CSNK1E: variants seen among roughly 807,000 people sequenced by gnomAD.
CSNK1E encodes casein kinase I isoform epsilon.
Under a neutral mutation model 46.1 loss-of-function variants are expected in CSNK1E, and 17 were observed. The observed-to-expected ratio is 0.37, with a 90% CI of 0.25 to 0.55. The LOEUF (loss-of-function observed/expected upper bound fraction) is 0.55. CSNK1E is among the 20% of genes least tolerant of loss of function. CSNK1E has a pLI of 0.82. For missense variants in CSNK1E, 386 were observed against 595.4 expected (o/e 0.65, Z 3.66); for synonymous variants, 241 against 242.6 (o/e 0.99, Z 0.06).
At chr22:38,301,237 T>G (rs2092670305) in intron 4 of CSNK1E, among the ~76,000 whole-genome samples, 1 of 152,152 alleles carries the variant, frequency 6.6e-6, no homozygotes, top group South Asian at 2.1e-4. Context: ...GAAAGGCAAC[T>G]GGTTCCCCAT....
chr22:38,303,376 T>TG lies in CSNK1E; in HGVS notation c.77-129dup. ...GGGCCATCTGCCCTTGAGGAGCTCTTGGGGGAGGCTGGGAAGGGGGCAAAG... is the reference window on the plus strand; with the variant it reads ...GGGCCATCTGCCCTTGAGGAGCTCTTGGGGGGAGGCTGGGAAGGGGGCAAAG... On this transcript the variant is annotated intron_variant, in intron 2 of 10. Coordinates refer to ENST00000396832, the MANE Select transcript of CSNK1E (RefSeq NM_152221.3). The surrounding 1 kb of genome is among the most constrained non-coding windows in gnomAD (Gnocchi z 4.7). 1.3e-6 allele frequency: 1 copy of TG among 750,118 alleles called. No individual in the cohort carries two copies. The highest frequency in any genetic ancestry group is 2.1e-6 in the Non-Finnish European group (1 of 472,842). 46.5% of individuals were successfully genotyped at this position (750,118 alleles called of 1,614,324 possible). A position where few individuals can be genotyped will look rare whatever the true frequency, so the allele number is the denominator to read the frequency against.
At chr22:38,297,093 A>G (rs1210389801) in intron 7 of CSNK1E, 1 of 775,552 alleles carries the variant, frequency 1.3e-6, no homozygotes, top group East Asian at 2.4e-5. Flanking sequence ...AGTCTTGATT[A>G]ATTTTAATTC....
intron 10 of CSNK1E, chr22:38,292,921 G>C: frequency 5.6e-6 from 2 of 356,928 alleles, no homozygotes; most frequent in Non-Finnish European, 1.1e-5. Flanking sequence ...GGAGAGGTCA[G>C]AGTGTGAGCC....
chr22:38,305,895 G>A (rs572822877), intron 2 of CSNK1E, among the ~76,000 whole-genome samples: 3 of 152,274 alleles, frequency 2.0e-5, no homozygotes, highest in South Asian at 2.1e-4. Context: ...CAGCAACCCC[G>A]CTTCTGGGAG....
Position 38,298,118 on chromosome 22 carries a change from C to G in CSNK1E, c.885+668G>C, listed in dbSNP as rs1179309804. On this transcript the variant is annotated intron_variant, in intron 7 of 10. Transcript: ENST00000396832. The surrounding 1 kb of genome is among the most constrained non-coding windows in gnomAD (Gnocchi z 4.2). ...CCAGTACGTGGGTGAGTACGTGGGCCCAGCACAGGGACAGGGGCGGGGACA... is the reference window on the plus strand; with the variant it reads ...CCAGTACGTGGGTGAGTACGTGGGCGCAGCACAGGGACAGGGGCGGGGACA... 4 of 1,280,928 alleles carry G rather than the reference C, an allele frequency of 3.1e-6. No homozygotes were observed. Among genetic ancestry groups the G allele is most frequent in the Admixed American group, 5.0e-5 (2 of 40,326 alleles). 79.3% of individuals were successfully genotyped at this position (1,280,928 alleles called of 1,614,324 possible).
Position 38,302,996 on chromosome 22 carries a change from G to A in CSNK1E, c.201C>T (p.Ser67=). ...KMMQGGVGIP[S]IKWCGAEGDY... is the part of the protein sequence containing the mutation. ...CGCCCTCAGCTCCGCACCACTTGAT[G>A]GACGGGATCCCCACTGGGGGTCAAG... Residue 67 remains serine (S), a synonymous_variant, in exon 4 of 11, where the codon TCC becomes TCT. Coordinates refer to ENST00000396832, the MANE Select transcript of CSNK1E (RefSeq NM_152221.3). 1 of 1,613,910 alleles carries A rather than the reference G, an allele frequency of 6.2e-7. No individual in the cohort carries two copies. Among genetic ancestry groups the A allele is most frequent in the South Asian group, 1.1e-5 (1 of 91,090 alleles).
chr22:38,301,501 C>T (rs973489515), intron 4 of CSNK1E, among the ~76,000 whole-genome samples: 6 of 152,058 alleles, frequency 3.9e-5, no homozygotes, highest in Non-Finnish European at 4.4e-5. Context: ...GGCAAAATCT[C>T]GGCTCACTGC....
Position 38,316,098 on chromosome 22 carries a change from A to G in CSNK1E, c.-13+1062T>C, listed in dbSNP as rs563396613. On this transcript the variant is annotated intron_variant, in intron 1 of 10. Coordinates refer to ENST00000396832, the MANE Select transcript of CSNK1E (RefSeq NM_152221.3). ...TTTCAGTTCTTTTGCTGCTTCTCCC[A>G]TGGGGGAGGGGGGGAGATAAACAAA... 2.7e-3 allele frequency among the ~76,000 whole-genome samples: 388 copies of G among 145,298 alleles called. 2 individuals are homozygous for G. The highest frequency in any genetic ancestry group is 5.4e-3 in the Admixed American group (80 of 14,854).
chr22:38,310,001 C>T lies in CSNK1E; in HGVS notation c.76+4081G>A, dbSNP rs558901637. 2.6e-5 allele frequency among the ~76,000 whole-genome samples: 4 copies of T among 152,332 alleles called. No homozygotes were observed. The East Asian group carries it at 7.7e-4, about 29-fold the overall frequency. On this transcript the variant is annotated intron_variant, in intron 2 of 10. Coordinates refer to ENST00000396832, the MANE Select transcript of CSNK1E (RefSeq NM_152221.3). ...CTCTGAGCTCCCTTAATTCTTACAACCGCTAAGCTGAGGTTCAGAAACGTT... is the reference window on the plus strand; with the variant it reads ...CTCTGAGCTCCCTTAATTCTTACAATCGCTAAGCTGAGGTTCAGAAACGTT...
intron 7 of CSNK1E, chr22:38,297,455 T>C: frequency 1.5e-6 from 1 of 650,762 alleles, no homozygotes; most frequent in Middle Eastern, 5.7e-4. Context: ...GCCTGACCTC[T>C]GTGTTACTCC....
chr22:38,298,016 C>A lies in CSNK1E; in HGVS notation c.885+770G>T. The A allele has an allele frequency of 8.8e-7, 1 of 1,142,682 alleles. No individual in the cohort carries two copies. Among genetic ancestry groups the A allele is most frequent in the Non-Finnish European group, 1.1e-6 (1 of 908,404 alleles). The allele number at this position is 1,142,682 out of a possible 1,614,324, so 70.8% of individuals were successfully genotyped here. A position where few individuals can be genotyped will look rare whatever the true frequency, so the allele number is the denominator to read the frequency against. ...CCGGGCACCTGAAAGGGACAAAAAG[C>A]ACAGCTGAGGCTCAGCCTCTTGCGC... is the stretch of plus-strand genomic sequence containing the variant. On this transcript the variant is annotated intron_variant, in intron 7 of 10. Transcript: ENST00000396832. The surrounding 1 kb of genome is among the most constrained non-coding windows in gnomAD (Gnocchi z 4.2).
intron 7 of CSNK1E, among the ~76,000 whole-genome samples, chr22:38,295,231 C>T (rs890654371): frequency 9.2e-5 from 14 of 152,186 alleles, no homozygotes; most frequent in Admixed American, 5.9e-4. Flanking sequence ...ACGTTCCCCA[C>T]GGAGGAAGAA....
chr22:38,299,308 C>T (rs1029360154), intron 6 of CSNK1E, among the ~76,000 whole-genome samples: 1 of 152,228 alleles, frequency 6.6e-6, no homozygotes, highest in Non-Finnish European at 1.5e-5. Context: ...ACGGGACCTT[C>T]TAACACAACC....
At chr22:38,299,506 G>A (rs1036938602) in intron 6 of CSNK1E, among the ~76,000 whole-genome samples, 1 of 152,186 alleles carries the variant, frequency 6.6e-6, no homozygotes, top group Non-Finnish European at 1.5e-5. Flanking sequence ...AAGGGCTGTG[G>A]GGCAGCCCAG....
Position 38,293,334 on chromosome 22 carries a change from G to T in CSNK1E, c.1219-15C>A. The T allele has an allele frequency of 1.3e-6, 2 of 1,551,230 alleles. No individual in the cohort carries two copies. Among genetic ancestry groups the T allele is most frequent in the Non-Finnish European group, 1.8e-6 (2 of 1,125,710 alleles). On this transcript the variant is annotated splice_polypyrimidine_tract_variant and intron_variant, in intron 9 of 10. Coordinates refer to ENST00000396832, the MANE Select transcript of CSNK1E (RefSeq NM_152221.3). ...GGCACACTTGTCTTTTGAGGGTGGG[G>T]AGGGAGAGAGGGGGAGGGAGAGAGA...
chr22:38,313,338 C>A (rs1008686288), intron 2 of CSNK1E, among the ~76,000 whole-genome samples: 8 of 152,214 alleles, frequency 5.3e-5, no homozygotes, highest in Non-Finnish European at 8.8e-5. Context: ...CAAGCCTCCA[C>A]CCGCTAATCC....
Position 38,290,827 on chromosome 22 carries a change from T to G in CSNK1E, c.*1144A>C, listed in dbSNP as rs559578184. The stretch of plus-strand genomic sequence containing the variant: ...TTTTTTTTTTTTCAGTTTTTTAAAT[T>G]ACAAAGTAATAAAAAGCTTTGCTCT... On this transcript the variant is annotated 3_prime_UTR_variant, in exon 11 of 11. Coordinates refer to ENST00000396832, the MANE Select transcript of CSNK1E (RefSeq NM_152221.3). 6.9e-6 allele frequency: 1 copy of G among 145,228 alleles called. No homozygotes were observed. The highest frequency in any genetic ancestry group is 2.1e-4 in the South Asian group (1 of 4,662). The allele number at this position is 145,228 out of a possible 1,614,324, so 9.0% of individuals were successfully genotyped here.
intron 1 of CSNK1E, among the ~76,000 whole-genome samples, chr22:38,315,961 C>T (rs1024924664): frequency 5.9e-5 from 9 of 152,086 alleles, no homozygotes; most frequent in Non-Finnish European, 1.3e-4. Flanking sequence ...CAGTCGCTCC[C>T]CAACACCCCA....
intron 2 of CSNK1E, among the ~76,000 whole-genome samples, chr22:38,311,908 C>T (rs2092722767): frequency 6.6e-6 from 1 of 151,862 alleles, no homozygotes; most frequent in Non-Finnish European, 1.5e-5. Context: ...AGATTCAAGC[C>T]ATTCTTCCGC....
Sources: gnomAD v4.1 joint callset for allele counts (sites outside exome capture counted in the v4.1 genomes callset) on GRCh38, gnomAD v4.1.1 for gene constraint, Gnocchi (gnomAD v3.1) non-coding constraint, MANE v1.5 for transcripts, NCBI Gene and HGNC (gene_info 2026-07-23, HGNC 2026-07-21) for gene names.